Variants in GPR153 observed in about 807,000 individuals in gnomAD.
GPR153 encodes probable G protein-coupled receptor 153.
A neutral mutation model predicts 34.1 loss-of-function variants in GPR153; 27 were observed. The ratio of observed to expected loss-of-function variants is 0.79; its 90% confidence interval spans 0.58 to 1.09. The LOEUF is 1.09. Among genes scored for constraint, GPR153 ranks in the 50% least tolerant of loss-of-function variants. The probability of loss-of-function intolerance (pLI) is 0.00; values close to 1 mark genes in which losing one functional copy is unlikely to be tolerated. For synonymous variants in GPR153, 408 were observed against 405.4 expected (o/e 1.01, Z -0.08); for missense variants, 848 against 860.2 (o/e 0.99, Z 0.18).
rs1249245616 is a variant in GPR153, at chr1:6,248,077, G to A, written c.*1261C>T. ...TCATATTGTGGGGCCACTGTGTAGGGGTAGGGGTCTGGAGGAGACAGCCTT... is the reference window on the plus strand; with the variant it reads ...TCATATTGTGGGGCCACTGTGTAGGAGTAGGGGTCTGGAGGAGACAGCCTT... On this transcript the variant is annotated 3_prime_UTR_variant, in exon 6 of 6. Transcript: ENST00000377893. 1 of 152,512 alleles carries A rather than the reference G, an allele frequency of 6.6e-6. No individual in the cohort carries two copies. The highest frequency in any genetic ancestry group is 2.4e-5 in the African/African-American group (1 of 41,454). The allele number at this position is 152,512 out of a possible 1,614,324, so 9.4% of individuals were successfully genotyped here. A position where few individuals can be genotyped will look rare whatever the true frequency, so the allele number is the denominator to read the frequency against.
At position 6,249,587 on chromosome 1, in the gene GPR153, GGC is replaced by G. The variant is rs1403134722; in HGVS notation, c.1579_1580del (p.Ala527ArgfsTer178). 8.6e-7 allele frequency: 1 copy of G among 1,165,278 alleles called. No individual in the cohort carries two copies. The highest frequency in any genetic ancestry group is 1.1e-6 in the Non-Finnish European group (1 of 945,588). The allele number at this position is 1,165,278 out of a possible 1,614,324, so 72.2% of individuals were successfully genotyped here. On this transcript the variant is annotated frameshift_variant, in exon 6 of 6. Transcript: ENST00000377893. LOFTEE classifies it low-confidence loss of function (END_TRUNC). The surrounding 1 kb of genome is among the most constrained non-coding windows in gnomAD (Gnocchi z 4.3). The part of the protein sequence containing the change: ...RPPGPFPAAP[A>X]APDGADPGEA... ...CTCCGGGATCTGCGCCGTCGGGGGC[GGC>G]GGGCGCAGCGGGGAAGGGCCCGGGC...
chr1:6,258,210 C>T (rs967857553), intron 1 of GPR153, among the ~76,000 whole-genome samples: 2 of 145,762 alleles, frequency 1.4e-5, no homozygotes, highest in African/African-American at 5.1e-5. Context: ...TCACTGCAAC[C>T]TCCGCCTCCT....
Position 6,249,234 on chromosome 1 carries a change from G to A in GPR153, c.*104C>T. Reference sequence around the variant, plus strand: ...GCCAACGCCCCCTCACCCCTGGGAGGGGTGGCGCATGTCTGCGCGCGGGGC... The same window carrying A: ...GCCAACGCCCCCTCACCCCTGGGAGAGGTGGCGCATGTCTGCGCGCGGGGC... On this transcript the variant is annotated 3_prime_UTR_variant, in exon 6 of 6. Coordinates refer to ENST00000377893, the MANE Select transcript of GPR153 (RefSeq NM_207370.4). The surrounding 1 kb of genome is among the most constrained non-coding windows in gnomAD (Gnocchi z 4.3). 5 of 830,218 alleles carry A rather than the reference G, an allele frequency of 6.0e-6. No individual in the cohort carries two copies. The highest frequency in any genetic ancestry group is 8.0e-6 in the Non-Finnish European group (5 of 621,286). 51.4% of individuals were successfully genotyped at this position (830,218 alleles called of 1,614,324 possible). A position where few individuals can be genotyped will look rare whatever the true frequency, so the allele number is the denominator to read the frequency against.
chr1:6,254,195 GC>G (rs781330904), intron 2 of GPR153, 48 bp from the exon 3 acceptor site: 3 of 1,540,264 alleles, frequency 1.9e-6, no homozygotes, highest in Non-Finnish European at 2.6e-6. Context: ...CACCCACAGG[GC>G]CTCCCCAGGC....
rs1220623227 is a variant in GPR153 at position 6,249,470 on chromosome 1, G to A, written c.1698C>T (p.Ser566=). ...GCCCCCCGGGCTCGCCCCACGACGC[G>A]CTCAGGCCGGGGCGCAGAGAGCCGG... The part of the protein sequence containing the change: ...SHAGSLRPGL[S]ASWGEPGGLR... The change falls in exon 6 of 6, where the codon AGC becomes AGT. Residue 566 remains serine, a synonymous_variant. Coordinates refer to ENST00000377893, the MANE Select transcript of GPR153 (RefSeq NM_207370.4). The surrounding 1 kb of genome is among the most constrained non-coding windows in gnomAD (Gnocchi z 4.3). 4.5e-6 allele frequency: 6 copies of A among 1,321,600 alleles called. No individual in the cohort carries two copies. Among genetic ancestry groups the A allele is most frequent in the Non-Finnish European group, 5.8e-6 (6 of 1,042,324 alleles). The allele number at this position is 1,321,600 out of a possible 1,614,324, so 81.9% of individuals were successfully genotyped here. A position where few individuals can be genotyped will look rare whatever the true frequency, so the allele number is the denominator to read the frequency against.
At chr1:6,255,058 C>T (rs1325875788) in intron 1 of GPR153, 44 bp from the exon 2 acceptor site, 15 of 558,524 alleles carry the variant, frequency 2.7e-5, no homozygotes, top group Middle Eastern at 4.6e-4. Context: ...TCCTCTCTGG[C>T]GACAGCGTTG....
At chr1:6,257,397 A>T (rs1044436774) in intron 1 of GPR153, among the ~76,000 whole-genome samples, 1 of 152,212 alleles carries the variant, frequency 6.6e-6, no homozygotes, top group African/African-American at 2.4e-5. Flanking sequence ...GCAGTCTGCT[A>T]TGTCAGCCCC....
At position 6,250,445 on chromosome 1, in the gene GPR153, G is replaced by A. The variant is rs574563288; in HGVS notation, c.1159C>T (p.Leu387=). ...TCCCCCAGCCCTGCGCTCACCTGCA[G>A]GTATTGCATCTTGTCCTCCTGCAAG... The part of the protein sequence containing the change: ...RPLQEDKMQY[L]QVPPTRRFSH... The change falls in exon 5 of 6, where the codon CTG becomes TTG. Residue 387 remains leucine, a synonymous_variant. Transcript: ENST00000377893. 9.4e-6 allele frequency: 15 copies of A among 1,597,122 alleles called. No homozygotes were observed. In the East Asian group the frequency reaches 3.4e-4, roughly 36 times the overall value.
Position 6,249,454 on chromosome 1 carries a change from G to C in GPR153, c.1714C>G (p.Pro572Ala). The C allele has an allele frequency of 7.4e-7, 1 of 1,349,692 alleles. No individual in the cohort carries two copies. Among genetic ancestry groups the C allele is most frequent in the Non-Finnish European group, 9.5e-7 (1 of 1,055,950 alleles). 83.6% of individuals were successfully genotyped at this position (1,349,692 alleles called of 1,614,324 possible). A position where few individuals can be genotyped will look rare whatever the true frequency, so the allele number is the denominator to read the frequency against. The change falls in exon 6 of 6, where the codon CCC becomes GCC. Residue 572 changes from proline (P) to alanine (A), a missense_variant. By Grantham distance (27) the Pro-to-Ala change is conservative. Coordinates refer to ENST00000377893, the MANE Select transcript of GPR153 (RefSeq NM_207370.4). This position sits in a 1 kb window ranked among gnomAD's most constrained non-coding sequence, Gnocchi z 4.3. ...CCGCCCGCCGCGCGCAGCCCCCCGG[G>C]CTCGCCCCACGACGCGCTCAGGCCG... is the stretch of plus-strand genomic sequence containing the variant. ...RPGLSASWGE[P>A]GGLRAAGGGG...
intron 1 of GPR153, 123 bp from the exon 2 acceptor site, chr1:6,255,137 T>C: frequency 4.7e-6 from 2 of 425,140 alleles, no homozygotes; most frequent in Non-Finnish European, 8.2e-6. Context: ...AAAACTCATG[T>C]TGAAATTTAA....
intron 3 of GPR153, among the ~76,000 whole-genome samples, chr1:6,252,916 T>TTCCCCAGCCGTTAGTATCAAG: frequency 6.6e-6 from 1 of 152,254 alleles, no homozygotes. Context: ...CACCTTGGCC[T>TTCCCCAGCCGTTAGTATCAAG]TCCCCAGCCG....
chr1:6,256,448 C>T (rs924985745), intron 1 of GPR153, among the ~76,000 whole-genome samples: 3 of 151,292 alleles, frequency 2.0e-5, no homozygotes, highest in African/African-American at 7.3e-5. Context: ...TCAGCTCCTG[C>T]AACCTCCACC....
rs1296272735 is a variant in GPR153 at position 6,261,008 on chromosome 1, C to T, written c.-293G>A. 1 of 146,374 alleles carries T rather than the reference C, an allele frequency of 6.8e-6. No individual in the cohort carries two copies. Among genetic ancestry groups the T allele is most frequent in the African/African-American group, 2.5e-5 (1 of 40,788 alleles). The allele number at this position is 146,374 out of a possible 1,614,324, so 9.1% of individuals were successfully genotyped here. ...CGGCCGGCGCGCTCCGCTAGGTGGGCTCGGCCCCGCCGCCCCTCCCTCCCC... is the reference window on the plus strand; with the variant it reads ...CGGCCGGCGCGCTCCGCTAGGTGGGTTCGGCCCCGCCGCCCCTCCCTCCCC... On this transcript the variant is annotated 5_prime_UTR_variant, in exon 1 of 6. Coordinates refer to ENST00000377893, the MANE Select transcript of GPR153 (RefSeq NM_207370.4).
chr1:6,259,570 C>A (rs771086913), intron 1 of GPR153, among the ~76,000 whole-genome samples: 1 of 151,914 alleles, frequency 6.6e-6, no homozygotes, highest in Non-Finnish European at 1.5e-5. Flanking sequence ...TCACCGTCCC[C>A]ACACTGCAGA....
chr1:6,252,382 T>G (rs1322939412), intron 3 of GPR153, among the ~76,000 whole-genome samples: 1 of 151,998 alleles, frequency 6.6e-6, no homozygotes, highest in Non-Finnish European at 1.5e-5. Context: ...GCAGGGGTGG[T>G]TCTGACTCCC....
intron 4 of GPR153, among the ~76,000 whole-genome samples, chr1:6,250,913 G>T (rs1161179167): frequency 1.3e-5 from 2 of 152,206 alleles, no homozygotes; most frequent in Non-Finnish European, 2.9e-5. Context: ...CACACGCAAG[G>T]GGCTGGCAGT....
intron 1 of GPR153, 82 bp downstream of exon 1, chr1:6,260,743 G>A (rs900808823): frequency 1.3e-5 from 2 of 151,850 alleles, no homozygotes; most frequent in African/African-American, 4.8e-5. Flanking sequence ...ATAGGGCGCG[G>A]AAAGCCCCCT....
chr1:6,255,815 G>A (rs553236410), intron 1 of GPR153, among the ~76,000 whole-genome samples: 31 of 151,908 alleles, frequency 2.0e-4, no homozygotes, highest in Middle Eastern at 3.4e-3. Flanking sequence ...ACCACGCCTG[G>A]CTAATTTTTT....
Position 6,249,645 on chromosome 1 carries a change from A to G in GPR153, c.1523T>C (p.Phe508Ser), listed in dbSNP as rs1370029398. The change falls in exon 6 of 6, where the codon TTC (phenylalanine) becomes TCC (serine). Residue 508 changes from phenylalanine (F) to serine (S), a missense_variant. Transcript: ENST00000377893. The surrounding 1 kb of genome is among the most constrained non-coding windows in gnomAD (Gnocchi z 4.3). ...GCGCAGGGCCTGTGGCTCGCACTCGAAGGCGGTCAGGGCGAAGGCGTCGGG... is the reference window on the plus strand; with the variant it reads ...GCGCAGGGCCTGTGGCTCGCACTCGGAGGCGGTCAGGGCGAAGGCGTCGGG... ...LLPDAFALTA[F>S]ECEPQALRRP... is the part of the protein sequence containing the mutation. 5.5e-6 allele frequency: 6 copies of G among 1,091,614 alleles called. 1 individual carries two copies. The Admixed American group carries it at 3.1e-4, about 57-fold the overall frequency. 67.6% of individuals were successfully genotyped at this position (1,091,614 alleles called of 1,614,324 possible). A position where few individuals can be genotyped will look rare whatever the true frequency, so the allele number is the denominator to read the frequency against.
Sources: allele counts gnomAD v4.1 joint callset (sites outside exome capture counted in the v4.1 genomes callset), GRCh38; gene constraint gnomAD v4.1.1; non-coding constraint Gnocchi (gnomAD v3.1); transcripts MANE v1.5; gene names NCBI Gene and HGNC (gene_info 2026-07-23, HGNC 2026-07-21).